SLC9A9: variants seen among roughly 807,000 people sequenced by gnomAD.
The protein encoded by SLC9A9 is sodium/hydrogen exchanger 9.
In SLC9A9, 62 loss-of-function variants were observed where a neutral mutation model predicts 77.8. That is an observed-to-expected ratio of 0.80 (90% CI 0.65 to 0.98). SLC9A9 has a LOEUF of 0.98. SLC9A9 is among the 50% of genes least tolerant of loss of function. SLC9A9 has a pLI of 0.00. For missense variants in SLC9A9, 775 were observed against 774.9 expected (o/e 1.00, Z 0.00); for synonymous variants, 320 against 283.5 (o/e 1.13, Z -1.29).
At chr3:143,317,823 G>A (rs1285097210) in intron 14 of SLC9A9, among the ~76,000 whole-genome samples, 12 of 152,232 alleles carry the variant, frequency 7.9e-5, no homozygotes, top group Non-Finnish European at 1.5e-5. Flanking sequence ...TGCCTCCCAG[G>A]TTCATGCGAT....
chr3:143,401,078 A>G (rs552633024), intron 12 of SLC9A9, among the ~76,000 whole-genome samples: 63 of 152,306 alleles, frequency 4.1e-4, no homozygotes, highest in African/African-American at 1.3e-3. Context: ...AATGCAGACC[A>G]ATGCAGATGG....
chr3:143,721,575 C>G (rs1934499076), intron 4 of SLC9A9, among the ~76,000 whole-genome samples: 1 of 152,064 alleles, frequency 6.6e-6, no homozygotes, highest in Non-Finnish European at 1.5e-5. Flanking sequence ...TGATAGTCCT[C>G]CCCTGGGCAC....
Position 143,795,281 on chromosome 3 carries a change from G to GGAA in SLC9A9, c.457-205_457-204insTTC, listed in dbSNP as rs1553794657. ...GACTGGAGGGAAAAGTCAAGAAGCA[G>GGAA]AAAAAAAAAAAAAAAAAAACCCACT... is the stretch of plus-strand genomic sequence containing the variant. On this transcript the variant is annotated intron_variant, in intron 3 of 15. Transcript: ENST00000316549. Among the ~76,000 whole-genome samples, 9 of 72,188 alleles carry GGAA rather than the reference G, an allele frequency of 1.2e-4. No individual in the cohort carries two copies. In the South Asian group the frequency reaches 1.4e-3, roughly 12 times the overall value. The allele number at this position is 72,188 out of a possible 152,430, so 47.4% of individuals were successfully genotyped here. A position where few individuals can be genotyped will look rare whatever the true frequency, so the allele number is the denominator to read the frequency against.
chr3:143,563,294 G>C (rs759385377), intron 8 of SLC9A9, among the ~76,000 whole-genome samples: 3 of 152,132 alleles, frequency 2.0e-5, no homozygotes, highest in Non-Finnish European at 4.4e-5. Context: ...GTTTAACACA[G>C]TACCATTTAT....
At chr3:143,412,941 C>T (rs1404389929) in intron 12 of SLC9A9, among the ~76,000 whole-genome samples, 2 of 152,266 alleles carry the variant, frequency 1.3e-5, no homozygotes, top group African/African-American at 4.8e-5. Flanking sequence ...TTTTCTTACT[C>T]TAGGTGGGAG....
intron 4 of SLC9A9, among the ~76,000 whole-genome samples, chr3:143,737,930 A>C (rs1466554039): frequency 6.6e-6 from 1 of 152,230 alleles, no homozygotes; most frequent in East Asian, 1.9e-4. Context: ...TTAATATTTT[A>C]CATGCATTCT....
At position 143,313,183 on chromosome 3, in the gene SLC9A9, TC is replaced by T. The variant is rs2031084137; in HGVS notation, c.1605-44204del. 4 of 152,256 alleles carry T rather than the reference TC, an allele frequency of 2.6e-5. No individual in the cohort carries two copies. In the South Asian group the frequency reaches 8.3e-4, roughly 32 times the overall value. The allele number at this position is 152,256 out of a possible 1,614,324, so 9.4% of individuals were successfully genotyped here. ...CAAGGTAGGTTTGGCTGTGGCCACT[TC>T]CGTGGTTGTTGTAGAGCCTGAGTCT... is the stretch of plus-strand genomic sequence containing the variant. On this transcript the variant is annotated intron_variant, in intron 14 of 15. Coordinates refer to ENST00000316549, the MANE Select transcript of SLC9A9 (RefSeq NM_173653.4).
At chr3:143,497,366 A>G (rs1376829292) in intron 9 of SLC9A9, among the ~76,000 whole-genome samples, 2 of 152,186 alleles carry the variant, frequency 1.3e-5, no homozygotes, top group African/African-American at 2.4e-5. Context: ...CCCTAGCTCA[A>G]ATATGGAGCA....
intron 4 of SLC9A9, among the ~76,000 whole-genome samples, chr3:143,780,903 ATTC>A (rs1363066907): frequency 6.6e-6 from 1 of 152,226 alleles, no homozygotes; most frequent in East Asian, 1.9e-4. Context: ...TAACATAAAT[ATTC>A]TTTTTTAAAT....
chr3:143,558,363 C>T (rs2037024187), intron 8 of SLC9A9, among the ~76,000 whole-genome samples: 2 of 152,146 alleles, frequency 1.3e-5, no homozygotes, highest in Non-Finnish European at 2.9e-5. Context: ...GTCCTCTAGA[C>T]CCCAGAATTG....
intron 12 of SLC9A9, among the ~76,000 whole-genome samples, chr3:143,460,021 TC>T (rs1366565005): frequency 5.3e-5 from 8 of 152,134 alleles, no homozygotes; most frequent in African/African-American, 1.9e-4. Flanking sequence ...CAACAACAAA[TC>T]TAAGGCATAT....
At chr3:143,790,399 A>G (rs926445178) in intron 4 of SLC9A9, among the ~76,000 whole-genome samples, 2 of 152,228 alleles carry the variant, frequency 1.3e-5, no homozygotes, top group Non-Finnish European at 2.9e-5. Flanking sequence ...AATTATATTC[A>G]CAGCCAATTC....
At chr3:143,329,827 GC>G (rs1209760878) in intron 14 of SLC9A9, among the ~76,000 whole-genome samples, 1 of 152,152 alleles carries the variant, frequency 6.6e-6, no homozygotes, top group Non-Finnish European at 1.5e-5. Context: ...GTGCACAGCA[GC>G]CCCGCTCCTG....
intron 6 of SLC9A9, among the ~76,000 whole-genome samples, chr3:143,599,950 C>T (rs1490975849): frequency 2.6e-5 from 4 of 152,098 alleles, no homozygotes; most frequent in Middle Eastern, 3.4e-3. Flanking sequence ...GTCACTGTCC[C>T]GATTATTGTT....
chr3:143,471,016 T>C (rs993554609), intron 11 of SLC9A9, among the ~76,000 whole-genome samples: 1 of 152,126 alleles, frequency 6.6e-6, no homozygotes, highest in Non-Finnish European at 1.5e-5. Flanking sequence ...TCGTGGCAGG[T>C]TGAGAAACAT....
rs544387271 is a variant in SLC9A9, at chr3:143,761,196, A to G, written c.533+33805T>C. 3.4e-3 allele frequency among the ~76,000 whole-genome samples: 511 copies of G among 152,320 alleles called. 2 individuals carry two copies. The highest frequency in any genetic ancestry group is 5.1e-3 in the Non-Finnish European group (346 of 68,026). ...CACCTTATACAAAAATTAATTCAAG[A>G]TGGATTAACGACTTAAATGTTAGAC... On this transcript the variant is annotated intron_variant, in intron 4 of 15. Transcript: ENST00000316549.
At chr3:143,512,499 C>T (rs2036132668) in intron 9 of SLC9A9, among the ~76,000 whole-genome samples, 1 of 152,186 alleles carries the variant, frequency 6.6e-6, no homozygotes, top group African/African-American at 2.4e-5. Flanking sequence ...GAGTCACACA[C>T]AATTTTTGGT....
intron 2 of SLC9A9, among the ~76,000 whole-genome samples, chr3:143,812,271 G>A (rs1338831198): frequency 1.3e-5 from 2 of 152,190 alleles, no homozygotes; most frequent in African/African-American, 4.8e-5. Flanking sequence ...CTGCAGATAT[G>A]CTTGCACATG....
At chr3:143,459,086 T>A (rs918844455) in intron 12 of SLC9A9, among the ~76,000 whole-genome samples, 3 of 151,674 alleles carry the variant, frequency 2.0e-5, no homozygotes, top group Non-Finnish European at 4.4e-5. Context: ...CTAAATTTTT[T>A]ATTTATTTAT....
Sources: allele counts gnomAD v4.1 joint callset (sites outside exome capture counted in the v4.1 genomes callset), GRCh38; gene constraint gnomAD v4.1.1; transcripts MANE v1.5; gene names NCBI Gene and HGNC (gene_info 2026-07-23, HGNC 2026-07-21).